Variants in SUMF1 observed in about 807,000 individuals in gnomAD.
SUMF1 encodes the protein sulfatase modifying factor 1.
Under a neutral mutation model 47.6 loss-of-function variants are expected in SUMF1, and 48 were observed. The ratio of observed to expected loss-of-function variants is 1.01; its 90% CI spans 0.80 to 1.28. The LOEUF (loss-of-function observed/expected upper bound fraction) is 1.28. Among genes scored for constraint, SUMF1 ranks in the 50% most tolerant of loss-of-function variants. SUMF1 has a pLI of 0.00. For missense variants in SUMF1, 571 were observed against 485.4 expected (o/e 1.18, Z -1.66); for synonymous variants, 230 against 192.1 (o/e 1.20, Z -1.63).
At chr3:4,270,407 C>G (rs1327787639) in intron 8 of SUMF1, among the ~76,000 whole-genome samples, 1 of 151,866 alleles carries the variant, frequency 6.6e-6, no homozygotes, top group East Asian at 1.9e-4. Flanking sequence ...CTCTCTCTCT[C>G]TTTCTCTCTC....
intron 9 of SUMF1, among the ~76,000 whole-genome samples, chr3:4,051,362 C>T (rs1188748167): frequency 6.6e-6 from 1 of 152,074 alleles, no homozygotes; most frequent in Non-Finnish European, 1.5e-5. Flanking sequence ...GTAACTAAGT[C>T]ACAGGACAAA....
chr3:4,127,960 GAAAGGC>G (rs1233732549), intron 8 of SUMF1, among the ~76,000 whole-genome samples: 1 of 151,990 alleles, frequency 6.6e-6, no homozygotes, highest in Non-Finnish European at 1.5e-5. Context: ...CATCGCTCAT[GAAAGGC>G]AAGGAGTTTA....
intron 8 of SUMF1, among the ~76,000 whole-genome samples, chr3:4,107,377 C>T (rs1318518474): frequency 6.6e-6 from 1 of 152,096 alleles, no homozygotes; most frequent in African/African-American, 2.4e-5. Flanking sequence ...CTATTCACAA[C>T]ACCCTAGAGA....
intron 8 of SUMF1, among the ~76,000 whole-genome samples, chr3:4,265,491 T>A (rs1697173671): frequency 6.6e-6 from 1 of 152,180 alleles, no homozygotes. Context: ...TTATTTAAAT[T>A]CTCAGTGTCT....
chr3:4,124,768 G>C (rs984286439), intron 8 of SUMF1, among the ~76,000 whole-genome samples: 1 of 151,422 alleles, frequency 6.6e-6, no homozygotes, highest in Non-Finnish European at 1.5e-5. Flanking sequence ...AAGAATCAAT[G>C]TATTGATTTG....
At chr3:4,362,580 G>A (rs747856193) in intron 8 of SUMF1, among the ~76,000 whole-genome samples, 6 of 152,202 alleles carry the variant, frequency 3.9e-5, no homozygotes, top group Non-Finnish European at 7.3e-5. Flanking sequence ...GCCATTGAAA[G>A]TCATGTCTTT....
intron 8 of SUMF1, among the ~76,000 whole-genome samples, chr3:4,237,357 T>A (rs980738953): frequency 6.6e-6 from 1 of 152,154 alleles, no homozygotes; most frequent in African/African-American, 2.4e-5. Flanking sequence ...TTTTTTTAAA[T>A]TTGCAATTCC....
At chr3:4,230,250 C>T (rs1696269933) in intron 8 of SUMF1, among the ~76,000 whole-genome samples, 1 of 152,034 alleles carries the variant, frequency 6.6e-6, no homozygotes, top group South Asian at 2.1e-4. Context: ...ACACTAACTA[C>T]TCAGAGTTAA....
intron 8 of SUMF1, chr3:4,313,821 T>C: frequency 2.5e-6 from 4 of 1,603,110 alleles, no homozygotes; most frequent in Non-Finnish European, 3.4e-6. Context: ...AGTGGTTGGC[T>C]AGCTTTACCT....
intron 8 of SUMF1, among the ~76,000 whole-genome samples, chr3:4,174,164 G>A (rs906634484): frequency 1.3e-5 from 2 of 151,894 alleles, no homozygotes; most frequent in South Asian, 4.2e-4. Flanking sequence ...AGAGCATCCT[G>A]GCTAACATGG....
intron 7 of SUMF1, among the ~76,000 whole-genome samples, chr3:4,402,082 T>A (rs116417573): frequency 5.9e-5 from 9 of 152,084 alleles, no homozygotes; most frequent in Non-Finnish European, 5.9e-5. Context: ...TGCATTTACT[T>A]TGGGTATGGA....
chr3:4,280,814 CGTGTGTGTGTGTGTGTGTGT>C (rs56919301), intron 8 of SUMF1, among the ~76,000 whole-genome samples: 5,679 of 138,066 alleles, frequency 0.041, 195 homozygotes, highest in African/African-American at 0.065. Flanking sequence ...TGGCATTCAC[CGTGTGTGTGTGTGTGTGTGT>C]GTGTGTGTGT....
chr3:4,144,207 C>T (rs999381218), intron 8 of SUMF1, among the ~76,000 whole-genome samples: 2 of 151,870 alleles, frequency 1.3e-5, no homozygotes, highest in African/African-American at 2.4e-5. Flanking sequence ...GCTCTAGCAA[C>T]GCTCCCACCT....
chr3:4,422,449 C>T (rs1575203718), intron 3 of SUMF1, among the ~76,000 whole-genome samples: 1 of 151,774 alleles, frequency 6.6e-6, no homozygotes, highest in Middle Eastern at 3.4e-3. Flanking sequence ...GACTTTTCTT[C>T]TCATACCCTT....
chr3:4,189,110 T>G (rs1465382536), intron 8 of SUMF1, among the ~76,000 whole-genome samples: 2 of 152,158 alleles, frequency 1.3e-5, no homozygotes, highest in African/African-American at 4.8e-5. Context: ...ATCTAGTTGC[T>G]TGTACATCAA....
downstream of SUMF1, among the ~76,000 whole-genome samples, chr3:4,360,414 G>A (rs569244722): frequency 3.3e-3 from 497 of 151,194 alleles, 8 homozygotes; most frequent in Non-Finnish European, 5.9e-4. Context: ...TGCAACCTCC[G>A]CCTTCCAGGT....
intron 8 of SUMF1, among the ~76,000 whole-genome samples, chr3:4,108,037 G>A (rs1469538653): frequency 6.6e-6 from 1 of 152,062 alleles, no homozygotes; most frequent in African/African-American, 2.4e-5. Flanking sequence ...AACAATAGGG[G>A]AATAAACTAT....
At chr3:4,285,241 C>T (rs1182668703) in intron 8 of SUMF1, among the ~76,000 whole-genome samples, 2 of 152,214 alleles carry the variant, frequency 1.3e-5, no homozygotes, top group Admixed American at 6.5e-5. Flanking sequence ...TCTCCTCTTT[C>T]GAAATTACTA....
chr3:4,036,658 G>T (rs1013925518), intron 9 of SUMF1, among the ~76,000 whole-genome samples: 3 of 150,566 alleles, frequency 2.0e-5, no homozygotes, highest in African/African-American at 7.3e-5. Flanking sequence ...GACCTGCTCA[G>T]TCCAGAGAAG....
Sources: allele counts gnomAD v4.1 joint callset (sites outside exome capture counted in the v4.1 genomes callset), GRCh38; gene constraint gnomAD v4.1.1; transcripts MANE v1.5; gene names NCBI Gene and HGNC (gene_info 2026-07-23, HGNC 2026-07-21).